ASAH2: variants seen among roughly 807,000 people sequenced by gnomAD.
ASAH2 encodes N-acylsphingosine amidohydrolase 2.
In ASAH2, 58 loss-of-function variants were observed where a neutral mutation model predicts 82.9. That is an observed-to-expected ratio of 0.70 (90% confidence interval 0.57 to 0.87). The LOEUF is 0.87. ASAH2 is among the 40% of genes least tolerant of loss of function. ASAH2 has a pLI of 0.00. For missense variants in ASAH2, 779 were observed against 834.0 expected (o/e 0.93, Z 0.81); for synonymous variants, 276 against 289.7 (o/e 0.95, Z 0.48).
At chr10:50,247,113 C>T (rs1846479052) in intron 2 of ASAH2, among the ~76,000 whole-genome samples, 2 of 151,984 alleles carry the variant, frequency 1.3e-5, no homozygotes, top group Admixed American at 1.3e-4. Context: ...GAGTCTCAGC[C>T]TCCTGATTTC....
At chr10:50,222,440 A>C (rs1203238983) in intron 7 of ASAH2, among the ~76,000 whole-genome samples, 1 of 151,978 alleles carries the variant, frequency 6.6e-6, no homozygotes, top group Non-Finnish European at 1.5e-5. Context: ...CACCATGCCA[A>C]GTTAATTCTT....
At chr10:50,216,088 A>G (rs926284608) in intron 8 of ASAH2, among the ~76,000 whole-genome samples, 1 of 150,170 alleles carries the variant, frequency 6.7e-6, no homozygotes, top group Admixed American at 6.6e-5. Context: ...ACATGTTCTC[A>G]TAAGTGGGAG....
rs1392782032 is a variant in ASAH2 at position 50,200,193 on chromosome 10, A to G, written c.1762-1047T>C. On this transcript the variant is annotated intron_variant, in intron 16 of 20. Transcript: ENST00000682911. ...CTTCCAATTCATTTTCTACACTGCC[A>G]TCTATTGACCTTTCTAAATCACAAA... Among the ~76,000 whole-genome samples the G allele has an allele frequency of 2.9e-4, 44 of 151,442 alleles. No individual in the cohort carries two copies. In the East Asian group the frequency reaches 3.7e-3, roughly 13 times the overall value.
At chr10:50,205,723 T>C (rs2133202783) in intron 13 of ASAH2, among the ~76,000 whole-genome samples, 1 of 152,012 alleles carries the variant, frequency 6.6e-6, no homozygotes, top group East Asian at 1.9e-4. Context: ...AGATAAATGT[T>C]CATCTTATTC....
At chr10:50,226,029 G>A (rs1845875272) in intron 7 of ASAH2, among the ~76,000 whole-genome samples, 2 of 151,946 alleles carry the variant, frequency 1.3e-5, no homozygotes, top group African/African-American at 4.8e-5. Flanking sequence ...GGAGGTGGAG[G>A]TTGCAGTGAG....
Position 50,206,028 on chromosome 10 carries a change from A to G in ASAH2, c.1484T>C (p.Ile495Thr). ...DQILGKPSEEIKECHKPKPIL... is the reference protein window; with the variant it reads ...DQILGKPSEETKECHKPKPIL... ...GGGCTTTGGTTTATGACATTCTTTA[A>G]TTTCTTCAGATGGCTTTCCCAGGAT... The change falls in exon 13 of 21, where the codon ATT (isoleucine) becomes ACT (threonine). Residue 495 changes from isoleucine (I) to threonine (T), a missense_variant. Around this residue, in one of 3 missense-constraint regions of ASAH2, gnomAD observed 759 missense variants for 755.2 expected, o/e 1.00. Coordinates refer to ENST00000682911, the MANE Select transcript of ASAH2 (RefSeq NM_019893.4). 1 of 1,612,586 alleles carries G rather than the reference A, an allele frequency of 6.2e-7. No individual in the cohort carries two copies. The highest frequency in any genetic ancestry group is 1.7e-5 in the Admixed American group (1 of 59,908).
intron 1 of ASAH2, among the ~76,000 whole-genome samples, chr10:50,249,101 T>C (rs1043571399): frequency 6.6e-6 from 1 of 152,184 alleles, no homozygotes; most frequent in African/African-American, 2.4e-5. Context: ...TACTCTGTGG[T>C]CATGGACTTA....
intron 7 of ASAH2, among the ~76,000 whole-genome samples, chr10:50,221,709 TAGA>T (rs1564842593): frequency 8.2e-4 from 118 of 144,520 alleles, no homozygotes; most frequent in African/African-American, 2.6e-3. Context: ...GATAGATAGA[TAGA>T]TAGATAGATA....
intron 4 of ASAH2, among the ~76,000 whole-genome samples, chr10:50,238,600 A>G (rs1846217024): frequency 6.6e-6 from 1 of 152,170 alleles, no homozygotes; most frequent in Non-Finnish European, 1.5e-5. Flanking sequence ...AAGGGACATC[A>G]TGAAAGCTGA....
rs2133202209 is a variant in ASAH2, at chr10:50,204,846, A to G, written c.1625+15T>C. 3.2e-6 allele frequency: 5 copies of G among 1,575,346 alleles called. No individual in the cohort carries two copies. In the East Asian group the frequency reaches 6.7e-5, roughly 21 times the overall value. On this transcript the variant is annotated intron_variant, in intron 14 of 20. Transcript: ENST00000682911. ...CAAACACATTTTTAACTAAGTAATA[A>G]AAAGAAAAACTTACGTAAACTCCCC...
At chr10:50,233,683 T>A (rs1335594770) in intron 6 of ASAH2, among the ~76,000 whole-genome samples, 1 of 152,058 alleles carries the variant, frequency 6.6e-6, no homozygotes, top group Non-Finnish European at 1.5e-5. Context: ...TCAAGGGAAA[T>A]CAGATTACAT....
chr10:50,202,899 T>C lies in ASAH2; in HGVS notation c.1691A>G (p.Asn564Ser). ...TAGACCTGAAATAACAACAGTCATGTTCTGCATCCCATGAGATGCAAATTC... is the reference window on the plus strand; with the variant it reads ...TAGACCTGAAATAACAACAGTCATGCTCTGCATCCCATGAGATGCAAATTC... ...QAEFASHGMQ[N>S]MTVVISGLCN... The change falls in exon 16 of 21, where the codon AAC becomes AGC. Residue 564 changes from asparagine to serine, a missense_variant. By Grantham distance (46) the Asn-to-Ser change is conservative. Around this residue, in one of 3 missense-constraint regions of ASAH2, gnomAD observed 759 missense variants for 755.2 expected, o/e 1.00. Transcript: ENST00000682911. The C allele has an allele frequency of 6.2e-7, 1 of 1,611,692 alleles. No individual in the cohort carries two copies. Among genetic ancestry groups the C allele is most frequent in the Non-Finnish European group, 8.5e-7 (1 of 1,178,160 alleles).
chr10:50,222,335 G>C (rs1845772287), intron 7 of ASAH2, among the ~76,000 whole-genome samples: 1 of 152,050 alleles, frequency 6.6e-6, no homozygotes, highest in African/African-American at 2.4e-5. Context: ...CTGGAGTGCA[G>C]TGGTGCAATC....
In ASAH2 at chr10:50,205,861, A is replaced by G. The variant is rs1845279045; in HGVS notation, c.1530+121T>C. 9 of 854,670 alleles carry G rather than the reference A, an allele frequency of 1.1e-5. No individual in the cohort carries two copies. The Admixed American group carries it at 1.7e-4, about 16-fold the overall frequency. The allele number at this position is 854,670 out of a possible 1,614,324, so 52.9% of individuals were successfully genotyped here. On this transcript the variant is annotated intron_variant, in intron 13 of 20. Transcript: ENST00000682911. ...CCCATTTTTTAATATTAAAAACTTGATATGGGAATATCTAAATAAGACTTC... is the reference window on the plus strand; with the variant it reads ...CCCATTTTTTAATATTAAAAACTTGGTATGGGAATATCTAAATAAGACTTC...
chr10:50,250,442 T>C (rs545293206), intron 1 of ASAH2, among the ~76,000 whole-genome samples: 9 of 152,286 alleles, frequency 5.9e-5, no homozygotes, highest in African/African-American at 1.2e-4. Flanking sequence ...CAACTTCAAA[T>C]GTGGAGCAAA....
Position 50,208,707 on chromosome 10 carries a change from C to T in ASAH2, c.1414+2116G>A, listed in dbSNP as rs2133204990. Among the ~76,000 whole-genome samples the T allele has an allele frequency of 2.0e-5, 3 of 152,172 alleles. No individual in the cohort carries two copies. The South Asian group carries it at 6.2e-4, about 32-fold the overall frequency. ...ACATCTATGTACGTGGATCAGATTA[C>T]ATAATATTGTTAAGATGGCAATACT... On this transcript the variant is annotated intron_variant, in intron 12 of 20. Coordinates refer to ENST00000682911, the MANE Select transcript of ASAH2 (RefSeq NM_019893.4).
At chr10:50,241,168 A>G (rs1846283425) in intron 4 of ASAH2, among the ~76,000 whole-genome samples, 1 of 152,172 alleles carries the variant, frequency 6.6e-6, no homozygotes, top group African/African-American at 2.4e-5. Context: ...CTTTCAGATG[A>G]CTCAACCTTT....
intron 13 of ASAH2, 24 bp downstream of exon 13, chr10:50,205,958 A>C (rs982093397): frequency 2.0e-6 from 3 of 1,535,404 alleles, no homozygotes; most frequent in Non-Finnish European, 2.7e-6. Flanking sequence ...TGCTAATTTC[A>C]CTATGATAAC....
At chr10:50,230,807 C>T (rs887839923) in intron 7 of ASAH2, among the ~76,000 whole-genome samples, 4 of 151,878 alleles carry the variant, frequency 2.6e-5, no homozygotes, top group Admixed American at 6.6e-5. Flanking sequence ...TTTGGAAGGC[C>T]GAGGTGGAGG....
Sources: allele counts gnomAD v4.1 joint callset (sites outside exome capture counted in the v4.1 genomes callset), GRCh38; gene constraint gnomAD v4.1.1; regional missense constraint gnomAD v4.1.1; transcripts MANE v1.5; gene names NCBI Gene and HGNC (gene_info 2026-07-23, HGNC 2026-07-21).